Variants in DISP1 observed in about 807,000 individuals in gnomAD.
DISP1 encodes the protein dispatched RND transporter family member 1, also known as protein dispatched homolog 1.
A neutral mutation model predicts 37.3 loss-of-function variants in DISP1; 30 were observed. The observed-to-expected ratio is 0.80, with a 90% CI of 0.60 to 1.09. The LOEUF (loss-of-function observed/expected upper bound fraction) is 1.09. DISP1 is among the 50% of genes least tolerant of loss of function. The pLI is 0.00. For missense variants in DISP1, 1,598 were observed against 1,879.5 expected (o/e 0.85, Z 2.77); for synonymous variants, 634 against 690.2 (o/e 0.92, Z 1.28).
chr1:222,941,168 C>T (rs762642805), intron 2 of DISP1, among the ~76,000 whole-genome samples: 46 of 152,106 alleles, frequency 3.0e-4, no homozygotes, highest in Non-Finnish European at 6.2e-4. Flanking sequence ...GTGCTCTTGC[C>T]GGTCAGTATA....
intron 1 of DISP1, among the ~76,000 whole-genome samples, chr1:222,896,812 T>A (rs1325349996): frequency 2.0e-5 from 3 of 152,178 alleles, no homozygotes; most frequent in Non-Finnish European, 4.4e-5. Context: ...AGCATCATCA[T>A]TAGTCATCAG....
intron 1 of DISP1, chr1:222,872,457 T>C (rs1669647151): frequency 6.6e-6 from 1 of 152,228 alleles, no homozygotes; most frequent in Non-Finnish European, 1.5e-5. Context: ...ATTGCCTCAA[T>C]TTCAGAGCCT....
intron 3 of DISP1, among the ~76,000 whole-genome samples, chr1:222,950,675 A>G (rs187680317): frequency 4.2e-4 from 64 of 152,214 alleles, no homozygotes; most frequent in Admixed American, 8.5e-4. Context: ...GGTGTCCCCA[A>G]TCTACGTCCT....
rs910576829 is a variant in DISP1, at chr1:222,893,366, T to G, written c.-158-35064T>G. ...ACCTCTGTAGCTGGCGGAGCCTTCT[T>G]CCTGAGCACTGCTTGTGCCTGCTGG... On this transcript the variant is annotated intron_variant, in intron 1 of 8. Coordinates refer to ENST00000675850, the MANE Select transcript of DISP1 (RefSeq NM_001377229.1). This position sits in a 1 kb window ranked among gnomAD's most constrained non-coding sequence, Gnocchi z 4.3. Among the ~76,000 whole-genome samples the G allele has an allele frequency of 4.6e-5, 7 of 152,234 alleles. No individual in the cohort carries two copies. The highest frequency in any genetic ancestry group is 1.9e-4 in the East Asian group (1 of 5,198).
At chr1:222,935,969 A>G (rs1041974483) in intron 2 of DISP1, among the ~76,000 whole-genome samples, 2 of 152,220 alleles carry the variant, frequency 1.3e-5, no homozygotes, top group African/African-American at 2.4e-5. Context: ...CACATATACC[A>G]TGTTGGTCCC....
At chr1:222,924,753 G>GA (rs1672987593) in intron 1 of DISP1, among the ~76,000 whole-genome samples, 1 of 152,030 alleles carries the variant, frequency 6.6e-6, no homozygotes, top group Non-Finnish European at 1.5e-5. Flanking sequence ...TTAATGCTAA[G>GA]AAAAAAGATA....
intron 2 of DISP1, among the ~76,000 whole-genome samples, chr1:222,941,916 T>C (rs1180878365): frequency 8.5e-6 from 1 of 117,364 alleles, no homozygotes; most frequent in Non-Finnish European, 2.0e-5. Flanking sequence ...TTGATGACCC[T>C]TTTTTTTTTT....
intron 3 of DISP1, among the ~76,000 whole-genome samples, chr1:222,970,275 A>G (rs1676837080): frequency 6.6e-6 from 1 of 152,136 alleles, no homozygotes; most frequent in Non-Finnish European, 1.5e-5. Flanking sequence ...ACCTTCATCT[A>G]AGGCAGACAG....
intron 1 of DISP1, among the ~76,000 whole-genome samples, chr1:222,822,094 A>G (rs907651517): frequency 6.6e-6 from 1 of 152,224 alleles, no homozygotes; most frequent in African/African-American, 2.4e-5. Flanking sequence ...GTATCTTTAT[A>G]GTAGTGTGAA....
intron 1 of DISP1, among the ~76,000 whole-genome samples, chr1:222,856,627 A>G (rs1668561273): frequency 6.6e-6 from 1 of 151,890 alleles, no homozygotes; most frequent in Non-Finnish European, 1.5e-5. Context: ...CTACCATACG[A>G]TATCCATTGA....
intron 7 of DISP1, 44 bp downstream of exon 7, chr1:222,992,154 G>A (rs375229271): frequency 3.2e-5 from 47 of 1,455,052 alleles, no homozygotes; most frequent in Admixed American, 3.0e-4. Flanking sequence ...CAGTTTGCTC[G>A]CATTTAAAAT....
chr1:222,958,296 G>A (rs1049649279), intron 3 of DISP1, among the ~76,000 whole-genome samples: 1 of 152,158 alleles, frequency 6.6e-6, no homozygotes, highest in Non-Finnish European at 1.5e-5. Flanking sequence ...TGAATTAGAG[G>A]TGTGTTGTTT....
Position 223,004,335 on chromosome 1 carries a change from C to T in DISP1, c.2938C>T (p.Leu980Phe), listed in dbSNP as rs917807853. The T allele has an allele frequency of 6.2e-7, 1 of 1,614,212 alleles. No individual in the cohort carries two copies. The highest frequency in any genetic ancestry group is 8.5e-7 in the Non-Finnish European group (1 of 1,180,034). The change falls in exon 9 of 9, where the codon CTC (leucine) becomes TTC (phenylalanine). Residue 980 changes from leucine (L) to phenylalanine (F), a missense_variant. Leu to Phe is a conservative substitution (Grantham distance 22, BLOSUM62 0). Transcript: ENST00000675850. This position sits in a 1 kb window ranked among gnomAD's most constrained non-coding sequence, Gnocchi z 4.9. The part of the protein sequence containing the change: ...NLEFYDLQDS[L>F]SDGTLIAMGL... Reference sequence around the variant, plus strand: ...GGAGTTCTATGACCTCCAGGATAGCCTCTCCGATGGCACCCTCATTGCCAT... The same window carrying T: ...GGAGTTCTATGACCTCCAGGATAGCTTCTCCGATGGCACCCTCATTGCCAT...
chr1:222,881,344 C>T (rs1020438431), intron 1 of DISP1, among the ~76,000 whole-genome samples: 1 of 152,036 alleles, frequency 6.6e-6, no homozygotes, highest in Non-Finnish European at 1.5e-5. Flanking sequence ...TACAGGCATG[C>T]GCCACCACGC....
intron 8 of DISP1, among the ~76,000 whole-genome samples, chr1:223,000,581 T>C (rs1334702441): frequency 3.9e-5 from 6 of 152,210 alleles, no homozygotes; most frequent in Non-Finnish European, 7.3e-5. Context: ...CTTTTTATTA[T>C]GGAAATTCTC....
At chr1:222,963,485 A>G (rs1014763792) in intron 3 of DISP1, among the ~76,000 whole-genome samples, 4 of 152,208 alleles carry the variant, frequency 2.6e-5, no homozygotes, top group Non-Finnish European at 4.4e-5. Context: ...TTGCAGCTCT[A>G]TTTACAATAG....
At chr1:222,877,044 G>A (rs1670010128) in intron 1 of DISP1, among the ~76,000 whole-genome samples, 7 of 152,182 alleles carry the variant, frequency 4.6e-5, no homozygotes, top group Admixed American at 4.6e-4. Context: ...GGCCTCTGGA[G>A]TCAGAGGAGC....
intron 1 of DISP1, among the ~76,000 whole-genome samples, chr1:222,855,732 A>AT (rs926474793): frequency 3.9e-5 from 6 of 152,064 alleles, no homozygotes; most frequent in African/African-American, 9.7e-5. Flanking sequence ...ATTTTAAAAC[A>AT]TTTTTTCTCC....
At position 222,863,986 on chromosome 1, in the gene DISP1, C is replaced by T. The variant is rs918387569; in HGVS notation, c.-159+48908C>T. Reference sequence around the variant, plus strand: ...TTTAATGGAGAATGGTATTTTAAAACCAAGATTTAAGTGCTGAGTGTGCTC... The same window carrying T: ...TTTAATGGAGAATGGTATTTTAAAATCAAGATTTAAGTGCTGAGTGTGCTC... On this transcript the variant is annotated intron_variant, in intron 1 of 8. Transcript: ENST00000675850. 2.6e-5 allele frequency among the ~76,000 whole-genome samples: 4 copies of T among 152,160 alleles called. No individual in the cohort carries two copies. In the East Asian group the frequency reaches 7.7e-4, roughly 29 times the overall value.
Sources: gnomAD v4.1 joint callset for allele counts (sites outside exome capture counted in the v4.1 genomes callset) on GRCh38, gnomAD v4.1.1 for gene constraint, Gnocchi (gnomAD v3.1) non-coding constraint, MANE v1.5 for transcripts, NCBI Gene and HGNC (gene_info 2026-07-23, HGNC 2026-07-21) for gene names.